PCDH9: variants seen among roughly 807,000 people sequenced by gnomAD.
PCDH9 encodes the protein protocadherin-9.
Under a neutral mutation model 70.6 loss-of-function variants are expected in PCDH9, and 24 were observed. That is an observed-to-expected ratio of 0.34 (90% CI 0.25 to 0.48). The LOEUF (loss-of-function observed/expected upper bound fraction) is 0.48, where lower values mean the gene tolerates loss of function less well. PCDH9 is among the 20% of genes least tolerant of loss of function. The pLI, the probability that PCDH9 is intolerant of heterozygous loss-of-function variation, is 0.99. For missense variants in PCDH9, 1,281 were observed against 1,503.6 expected (o/e 0.85, Z 2.45); for synonymous variants, 562 against 558.5 (o/e 1.01, Z -0.09).
At chr13:66,631,672 G>A (rs1025481198) in intron 3 of PCDH9, among the ~76,000 whole-genome samples, 1 of 151,944 alleles carries the variant, frequency 6.6e-6, no homozygotes, top group African/African-American at 2.4e-5. Flanking sequence ...AGTGTAACAA[G>A]AAAGGCAAAA....
chr13:67,039,742 T>C (rs1307174301), intron 2 of PCDH9, among the ~76,000 whole-genome samples: 1 of 152,140 alleles, frequency 6.6e-6, no homozygotes, highest in Non-Finnish European at 1.5e-5. Flanking sequence ...GTTTTATGAG[T>C]TGTTCTAGCA....
chr13:66,758,183 T>C (rs1481934330), intron 3 of PCDH9, among the ~76,000 whole-genome samples: 2 of 152,092 alleles, frequency 1.3e-5, no homozygotes, highest in African/African-American at 4.8e-5. Context: ...AACAAGTGTG[T>C]TACACAGTTA....
intron 3 of PCDH9, among the ~76,000 whole-genome samples, chr13:66,801,246 G>A (rs2080321774): frequency 6.6e-6 from 1 of 152,002 alleles, no homozygotes; most frequent in Non-Finnish European, 1.5e-5. Flanking sequence ...AATAATGAAA[G>A]CTCCTTTCAC....
In PCDH9 at chr13:66,383,868, T is replaced by C. The variant is rs1044672180; in HGVS notation, c.3341-78840A>G. Among the ~76,000 whole-genome samples the C allele has an allele frequency of 1.3e-5, 2 of 152,180 alleles. 1 individual carries two copies. The highest frequency in any genetic ancestry group is 1.3e-4 in the Admixed American group (2 of 15,278). The stretch of plus-strand genomic sequence containing the variant: ...TTTATAGTAAAATGTGTTAATTGGT[T>C]ATTTATTTATGATAATAGGTGATTC... On this transcript the variant is annotated intron_variant, in intron 4 of 4. Transcript: ENST00000377865.
chr13:66,897,278 A>G (rs1043680728), intron 3 of PCDH9, among the ~76,000 whole-genome samples: 6 of 152,012 alleles, frequency 3.9e-5, no homozygotes, highest in Admixed American at 3.3e-4. Flanking sequence ...GAGGGAAGAA[A>G]GGAGAGACAG....
At chr13:66,992,662 T>C (rs1300885956) in intron 2 of PCDH9, among the ~76,000 whole-genome samples, 1 of 152,174 alleles carries the variant, frequency 6.6e-6, no homozygotes, top group Non-Finnish European at 1.5e-5. Flanking sequence ...GCTAATTGAT[T>C]ACTTATTTCA....
chr13:66,444,051 T>G (rs919556417), intron 4 of PCDH9, among the ~76,000 whole-genome samples: 2 of 152,192 alleles, frequency 1.3e-5, no homozygotes, highest in African/African-American at 4.8e-5. Context: ...AATCCCTGGC[T>G]AGTTCAAGAC....
chr13:66,608,391 A>G (rs1237930655), intron 4 of PCDH9, among the ~76,000 whole-genome samples: 3 of 152,166 alleles, frequency 2.0e-5, no homozygotes, highest in Non-Finnish European at 4.4e-5. Flanking sequence ...AGTTTCACAT[A>G]CTTATGTTCA....
intron 4 of PCDH9, among the ~76,000 whole-genome samples, chr13:66,345,876 CCCT>C (rs1566257375): frequency 6.6e-6 from 1 of 152,156 alleles, no homozygotes; most frequent in Admixed American, 6.6e-5. Context: ...CAATAACACT[CCCT>C]GTTTGAGGAA....
At chr13:66,651,676 C>T (rs534631855) in intron 3 of PCDH9, among the ~76,000 whole-genome samples, 2 of 152,074 alleles carry the variant, frequency 1.3e-5, no homozygotes, top group East Asian at 3.9e-4. Context: ...GCCAATTTTA[C>T]ACTGATACCA....
intron 4 of PCDH9, among the ~76,000 whole-genome samples, chr13:66,388,450 T>C (rs1177173417): frequency 6.6e-6 from 1 of 152,136 alleles, no homozygotes; most frequent in Non-Finnish European, 1.5e-5. Context: ...TTTTTCCTTC[T>C]AGAAGCCTCC....
rs1002729783 is a variant in PCDH9, at chr13:66,975,637, C to T, written c.3037-72032G>A. ...GGAGGTGGAACAGGGGACAAGGAGA[C>T]GGAAGAATCTTTCAACAGTCATTAC... On this transcript the variant is annotated intron_variant, in intron 2 of 4. Transcript: ENST00000377865. 3.9e-5 allele frequency among the ~76,000 whole-genome samples: 6 copies of T among 152,002 alleles called. No individual in the cohort carries two copies. The East Asian group carries it at 5.8e-4, about 15-fold the overall frequency.
chr13:66,906,972 G>A (rs1041787052), intron 2 of PCDH9, among the ~76,000 whole-genome samples: 4 of 152,104 alleles, frequency 2.6e-5, no homozygotes, highest in African/African-American at 4.8e-5. Flanking sequence ...TTGGGAGGCC[G>A]AGGTGGGCGG....
At chr13:67,140,484 C>T (rs1230976277) in intron 2 of PCDH9, among the ~76,000 whole-genome samples, 2 of 152,140 alleles carry the variant, frequency 1.3e-5, no homozygotes, top group Non-Finnish European at 2.9e-5. Flanking sequence ...TTAGCTGCTT[C>T]AAGTCTAGAA....
chr13:66,644,779 C>T (rs1417561132), intron 3 of PCDH9, among the ~76,000 whole-genome samples: 3 of 151,936 alleles, frequency 2.0e-5, no homozygotes, highest in Non-Finnish European at 4.4e-5. Flanking sequence ...ATTTTTTAAA[C>T]AGTATAGACT....
At chr13:67,205,793 C>CCTAGACATTTTATCAATATACGT (rs2089325411) in intron 2 of PCDH9, 2 of 152,138 alleles carry the variant, frequency 1.3e-5, no homozygotes, top group African/African-American at 2.4e-5. Flanking sequence ...AAAATTCTCA[C>CCTAGACATTTTATCAATATACGT]CTAGACATTT....
At chr13:66,611,713 T>C (rs1451459148) in intron 4 of PCDH9, among the ~76,000 whole-genome samples, 1 of 152,218 alleles carries the variant, frequency 6.6e-6, no homozygotes, top group African/African-American at 2.4e-5. Flanking sequence ...ACTGGTCTAA[T>C]ATTTCTTTCC....
intron 4 of PCDH9, among the ~76,000 whole-genome samples, chr13:66,610,887 G>C (rs2077286425): frequency 6.6e-6 from 1 of 151,838 alleles, no homozygotes; most frequent in African/African-American, 2.4e-5. Flanking sequence ...ATCTGTTTTT[G>C]GTCTGGATAG....
At chr13:67,114,696 A>G (rs1209114947) in intron 2 of PCDH9, among the ~76,000 whole-genome samples, 1 of 152,216 alleles carries the variant, frequency 6.6e-6, no homozygotes, top group African/African-American at 2.4e-5. Flanking sequence ...TCCTCTATGT[A>G]ACAGTCCCTT....
Sources: gnomAD v4.1 joint callset for allele counts (sites outside exome capture counted in the v4.1 genomes callset) on GRCh38, gnomAD v4.1.1 for gene constraint, MANE v1.5 for transcripts, NCBI Gene and HGNC (gene_info 2026-07-23, HGNC 2026-07-21) for gene names.